EXOC4: variants seen among roughly 807,000 people sequenced by gnomAD.
EXOC4 encodes SEC8-like 1.
A neutral mutation model predicts 107.2 loss-of-function variants in EXOC4; 71 were observed. That is an observed-to-expected ratio of 0.66 (90% confidence interval 0.55 to 0.81). The LOEUF (loss-of-function observed/expected upper bound fraction) is 0.81, where lower values mean the gene tolerates loss of function less well. EXOC4 is among the 30% of genes least tolerant of loss of function. The pLI is 0.00. For synonymous variants in EXOC4, 456 were observed against 441.2 expected, an observed-to-expected ratio of 1.03 and a Z score of -0.42; for missense variants, 1,108 against 1,189.6, an observed-to-expected ratio of 0.93 and a Z score of 1.01.
chr7:134,012,626 C>A (rs1794797939), intron 17 of EXOC4, among the ~76,000 whole-genome samples: 1 of 152,038 alleles, frequency 6.6e-6, no homozygotes, highest in South Asian at 2.1e-4. Flanking sequence ...AAAAAGGGAG[C>A]CGGCAATACA....
intron 11 of EXOC4, among the ~76,000 whole-genome samples, chr7:133,885,064 C>A (rs1244697813): frequency 2.6e-5 from 4 of 152,056 alleles, no homozygotes; most frequent in Non-Finnish European, 5.9e-5. Context: ...GCCTATAATC[C>A]CAGCACTTTG....
intron 6 of EXOC4, among the ~76,000 whole-genome samples, chr7:133,365,971 G>A (rs1563037312): frequency 6.6e-6 from 1 of 152,090 alleles, no homozygotes; most frequent in Non-Finnish European, 1.5e-5. Context: ...TTGTCAGTGG[G>A]GAAAAGCATA....
intron 10 of EXOC4, among the ~76,000 whole-genome samples, chr7:133,632,521 T>C (rs1431365086): frequency 6.6e-6 from 1 of 152,214 alleles, no homozygotes; most frequent in African/African-American, 2.4e-5. Context: ...TAAGATCTTT[T>C]AGTGGATTTT....
At chr7:133,974,465 G>A (rs570381234) in intron 14 of EXOC4, among the ~76,000 whole-genome samples, 1 of 152,184 alleles carries the variant, frequency 6.6e-6, no homozygotes, top group East Asian at 1.9e-4. Context: ...TTTTCCTTAG[G>A]ATATACTGTT....
intron 9 of EXOC4, among the ~76,000 whole-genome samples, chr7:133,496,714 GGTA>G (rs1419383355): frequency 6.6e-6 from 1 of 152,072 alleles, no homozygotes; most frequent in Non-Finnish European, 1.5e-5. Context: ...TATTCCCACT[GGTA>G]GTAGGCAGAA....
At chr7:133,449,665 G>C (rs1024921466) in intron 7 of EXOC4, among the ~76,000 whole-genome samples, 1 of 151,234 alleles carries the variant, frequency 6.6e-6, no homozygotes, top group African/African-American at 2.4e-5. Context: ...TGGAAAATGC[G>C]GTAAACTCTT....
intron 10 of EXOC4, among the ~76,000 whole-genome samples, chr7:133,785,896 C>T (rs1021930170): frequency 3.3e-5 from 5 of 152,144 alleles, no homozygotes; most frequent in African/African-American, 1.2e-4. Context: ...GTCTTGATCT[C>T]CTGACCTCAT....
intron 10 of EXOC4, among the ~76,000 whole-genome samples, chr7:133,781,940 C>A (rs959830465): frequency 6.6e-6 from 1 of 152,174 alleles, no homozygotes; most frequent in Non-Finnish European, 1.5e-5. Context: ...GTGTCAGAAC[C>A]AATCTCTTCT....
At chr7:134,053,084 G>GT (rs1486655353) in intron 17 of EXOC4, among the ~76,000 whole-genome samples, 2 of 152,042 alleles carry the variant, frequency 1.3e-5, no homozygotes, top group Non-Finnish European at 2.9e-5. Flanking sequence ...GCATTCACTA[G>GT]TTACCGTCTT....
chr7:133,843,061 T>A (rs538267813), intron 11 of EXOC4, among the ~76,000 whole-genome samples: 5 of 152,342 alleles, frequency 3.3e-5, no homozygotes, highest in African/African-American at 1.2e-4. Flanking sequence ...CTGTTTTGGT[T>A]ACCATAGTCT....
At chr7:133,803,318 C>G (rs1368729105) in intron 10 of EXOC4, among the ~76,000 whole-genome samples, 1 of 152,184 alleles carries the variant, frequency 6.6e-6, no homozygotes, top group Non-Finnish European at 1.5e-5. Flanking sequence ...AAACATTTCT[C>G]AGATGAAACC....
At chr7:133,868,381 G>A (rs1218169131) in intron 11 of EXOC4, among the ~76,000 whole-genome samples, 1 of 152,180 alleles carries the variant, frequency 6.6e-6, no homozygotes, top group Non-Finnish European at 1.5e-5. Flanking sequence ...TTGGCATCCA[G>A]TATATGTGAA....
chr7:133,868,514 G>T (rs1798688310), intron 11 of EXOC4, among the ~76,000 whole-genome samples: 1 of 152,304 alleles, frequency 6.6e-6, no homozygotes, highest in Non-Finnish European at 1.5e-5. Flanking sequence ...TGAAGAGACA[G>T]TTGTCCAGTG....
intron 9 of EXOC4, among the ~76,000 whole-genome samples, chr7:133,506,652 G>A (rs917764236): frequency 9.2e-5 from 14 of 152,082 alleles, no homozygotes; most frequent in East Asian, 5.8e-4. Flanking sequence ...ATTACTTCCC[G>A]AACAGTGTTT....
intron 10 of EXOC4, among the ~76,000 whole-genome samples, chr7:133,753,521 A>T (rs1464167159): frequency 1.3e-5 from 2 of 152,254 alleles, no homozygotes; most frequent in African/African-American, 4.8e-5. Context: ...AGATATAATT[A>T]CTACTACAGA....
intron 4 of EXOC4, among the ~76,000 whole-genome samples, chr7:133,314,271 T>C (rs1406568096): frequency 6.6e-6 from 1 of 152,152 alleles, no homozygotes; most frequent in East Asian, 1.9e-4. Context: ...ACAAAGTGAG[T>C]GGGTGTGCCC....
chr7:133,323,272 G>A (rs1350033269), intron 5 of EXOC4, among the ~76,000 whole-genome samples: 1 of 152,116 alleles, frequency 6.6e-6, no homozygotes, highest in Non-Finnish European at 1.5e-5. Flanking sequence ...GTGAGAGAGG[G>A]CATCGTTTTC....
intron 2 of EXOC4, among the ~76,000 whole-genome samples, chr7:133,284,383 G>C (rs1357643824): frequency 6.6e-6 from 1 of 152,110 alleles, no homozygotes; most frequent in Non-Finnish European, 1.5e-5. Flanking sequence ...TAGTAGCAAG[G>C]TGATATAAGT....
chr7:133,443,571 G>C (rs1798152069), intron 7 of EXOC4, among the ~76,000 whole-genome samples: 1 of 152,156 alleles, frequency 6.6e-6, no homozygotes, highest in Non-Finnish European at 1.5e-5. Context: ...GAATCCAGCA[G>C]ATGCTTTGGG....
Sources: gnomAD v4.1 joint callset for allele counts (sites outside exome capture counted in the v4.1 genomes callset) on GRCh38, gnomAD v4.1.1 for gene constraint, MANE v1.5 for transcripts, NCBI Gene and HGNC (gene_info 2026-07-23, HGNC 2026-07-21) for gene names.